The following GOLGA1 variants were observed in gnomAD, a reference collection of about 807,000 sequenced individuals.
The protein encoded by GOLGA1 is golgin A1.
GOLGA1 carries 63 observed loss-of-function variants against 119.7 expected under a neutral mutation model. The ratio of observed to expected loss-of-function variants is 0.53; its 90% CI spans 0.43 to 0.65. GOLGA1 has a LOEUF of 0.65. Among genes scored for constraint, GOLGA1 ranks in the 30% least tolerant of loss-of-function variants. GOLGA1 has a pLI of 0.00. For synonymous variants in GOLGA1, 318 were observed against 333.4 expected (o/e 0.95, Z 0.50); for missense variants, 798 against 912.8 (o/e 0.87, Z 1.62).
intron 15 of GOLGA1, among the ~76,000 whole-genome samples, chr9:124,892,952 G>C (rs1162360786): frequency 6.7e-6 from 1 of 148,924 alleles, no homozygotes; most frequent in Non-Finnish European, 1.5e-5. Flanking sequence ...AAAAAAGAAA[G>C]TGTATTTCTT....
In GOLGA1 at chr9:124,923,092, T is replaced by C; in HGVS notation, c.561+3A>G. On this transcript the variant is annotated splice_donor_region_variant and intron_variant, in intron 8 of 22. Transcript: ENST00000373555. ...ATTTAGCTACTAAAACAAAAATGCA[T>C]ACCATGTGCTTTATTTTACTTAGTT... 1 of 1,602,128 alleles carries C rather than the reference T, an allele frequency of 6.2e-7. No individual in the cohort carries two copies. The highest frequency in any genetic ancestry group is 1.7e-4 in the Middle Eastern group (1 of 6,046).
intron 10 of GOLGA1, among the ~76,000 whole-genome samples, chr9:124,912,845 C>CT (rs138609419): frequency 0.027 from 4,079 of 152,168 alleles, 206 homozygotes; most frequent in African/African-American, 0.091. Flanking sequence ...CCTGGCCAGT[C>CT]TATCTCTTTA....
In GOLGA1 at chr9:124,921,652, A is replaced by T. The variant is rs894279115; in HGVS notation, c.731+71T>A. Reference sequence around the variant, plus strand: ...GAAAGTGGTGTAATGAACAATGGGGAAAGGTGGGCAGGCTATAGCCAGAAC... The same window carrying T: ...GAAAGTGGTGTAATGAACAATGGGGTAAGGTGGGCAGGCTATAGCCAGAAC... On this transcript the variant is annotated intron_variant, in intron 9 of 22. Transcript: ENST00000373555. 1.4e-5 allele frequency: 17 copies of T among 1,179,068 alleles called. No individual in the cohort carries two copies. The Admixed American group carries it at 1.7e-4, about 12-fold the overall frequency. 73.0% of individuals were successfully genotyped at this position (1,179,068 alleles called of 1,614,324 possible).
intron 11 of GOLGA1, among the ~76,000 whole-genome samples, chr9:124,909,448 A>G (rs1458354442): frequency 1.3e-5 from 2 of 150,488 alleles, no homozygotes; most frequent in Non-Finnish European, 3.0e-5. Context: ...TCTACTAAAA[A>G]TACAAAAAAA....
chr9:124,890,254 C>T, intron 16 of GOLGA1, 135 bp downstream of exon 16: 1 of 652,772 alleles, frequency 1.5e-6, no homozygotes, highest in Non-Finnish European at 2.7e-6. Context: ...ACGCAGCTGA[C>T]TGCATTCCCT....
intron 7 of GOLGA1, among the ~76,000 whole-genome samples, chr9:124,923,839 T>C (rs905123355): frequency 2.0e-5 from 3 of 152,080 alleles, no homozygotes; most frequent in African/African-American, 7.2e-5. Context: ...ATATATTTTA[T>C]GTGTCTACTC....
intron 16 of GOLGA1, 145 bp from the exon 17 acceptor site, chr9:124,889,681 G>T: frequency 1.4e-6 from 1 of 693,436 alleles, no homozygotes. Context: ...GCTAAGCTCT[G>T]CTCCTATGAA....
rs974914734 is a variant in GOLGA1 at position 124,888,043 on chromosome 9, G to A, written c.1905+210C>T. Among the ~76,000 whole-genome samples the A allele has an allele frequency of 1.1e-4, 16 of 152,140 alleles. No individual in the cohort carries two copies. Among genetic ancestry groups the A allele is most frequent in the African/African-American group, 3.1e-4 (13 of 41,430 alleles). The stretch of plus-strand genomic sequence containing the variant: ...CCTGACACTTGTCCAGTTCTCCAGG[G>A]GGTGGGGAGAAGAGGGCTGGGGAGG... On this transcript the variant is annotated intron_variant, in intron 19 of 22. Transcript: ENST00000373555. This position sits in a 1 kb window ranked among gnomAD's most constrained non-coding sequence, Gnocchi z 4.4.
At chr9:124,894,075 G>C (rs1002232194) in intron 15 of GOLGA1, among the ~76,000 whole-genome samples, 2 of 152,154 alleles carry the variant, frequency 1.3e-5, no homozygotes, top group African/African-American at 4.8e-5. Flanking sequence ...CAAATCTAAT[G>C]GTCAGCTCTT....
At chr9:124,914,497 C>T (rs1011264547) in intron 10 of GOLGA1, among the ~76,000 whole-genome samples, 5 of 150,876 alleles carry the variant, frequency 3.3e-5, no homozygotes, top group Admixed American at 2.0e-4. Flanking sequence ...GACACTCCGT[C>T]TCAAAGAAAA....
Position 124,946,488 on chromosome 9 carries a change from T to C in GOLGA1, c.-156+1430A>G, listed in dbSNP as rs945347397. ...AAAGAATACGGTGTAAAAAGTTGCT[T>C]TGCAGTTATATTTTATCATGCAAAA... is the stretch of plus-strand genomic sequence containing the variant. On this transcript the variant is annotated intron_variant, in intron 1 of 4. Coordinates refer to the GOLGA1 transcript ENST00000421514. This position sits in a 1 kb window ranked among gnomAD's most constrained non-coding sequence, Gnocchi z 4.0. The C allele has an allele frequency of 2.6e-4, 39 of 152,306 alleles. No individual in the cohort carries two copies. The highest frequency in any genetic ancestry group is 7.9e-4 in the African/African-American group (33 of 41,564). The allele number at this position is 152,306 out of a possible 1,614,324, so 9.4% of individuals were successfully genotyped here. A position where few individuals can be genotyped will look rare whatever the true frequency, so the allele number is the denominator to read the frequency against.
chr9:124,900,284 ACTCC>A, intron 13 of GOLGA1, 164 bp downstream of exon 13: 2 of 495,430 alleles, frequency 4.0e-6, no homozygotes, highest in Non-Finnish European at 7.3e-6. Context: ...TTAGGTCCTG[ACTCC>A]CTCCACCCCC....
At chr9:124,898,510 G>T in intron 15 of GOLGA1, 39 bp downstream of exon 15, 1 of 1,161,564 alleles carries the variant, frequency 8.6e-7, no homozygotes, top group Non-Finnish European at 1.3e-6. Context: ...TAGAAAACAT[G>T]AACACTTTTA....
intron 11 of GOLGA1, among the ~76,000 whole-genome samples, chr9:124,910,219 G>A (rs1348323849): frequency 1.3e-5 from 2 of 150,366 alleles, no homozygotes; most frequent in South Asian, 2.1e-4. Context: ...GTGAGCCACC[G>A]CGCCTGGCCT....
intron 15 of GOLGA1, among the ~76,000 whole-genome samples, chr9:124,895,175 C>T (rs1829939210): frequency 6.7e-6 from 1 of 148,632 alleles, no homozygotes; most frequent in South Asian, 2.2e-4. Flanking sequence ...CCCTCCACAA[C>T]AGAGACCCTC....
intron 20 of GOLGA1, 78 bp downstream of exon 20, chr9:124,882,432 G>A (rs966271498): frequency 1.7e-5 from 18 of 1,043,422 alleles, no homozygotes; most frequent in Middle Eastern, 2.1e-4. Context: ...GTCAGGCGGC[G>A]AGGGACCTCA....
chr9:124,918,162 A>G (rs1183669860), intron 10 of GOLGA1, among the ~76,000 whole-genome samples: 1 of 152,106 alleles, frequency 6.6e-6, no homozygotes, highest in Non-Finnish European at 1.5e-5. Flanking sequence ...CTGATCTGAT[A>G]TCTTTTAATA....
chr9:124,885,482 CTCAA>C (rs1829700437), intron 19 of GOLGA1, among the ~76,000 whole-genome samples: 1 of 106,686 alleles, frequency 9.4e-6, no homozygotes, highest in Non-Finnish European at 1.9e-5. Flanking sequence ...GAGACTCTGT[CTCAA>C]AAAAAAAAAA....
chr9:124,894,214 C>A (rs2131389441), intron 15 of GOLGA1, among the ~76,000 whole-genome samples: 1 of 152,348 alleles, frequency 6.6e-6, no homozygotes, highest in South Asian at 2.1e-4. Context: ...ACCTGCGGCT[C>A]CTTTGGCGTC....
Sources: gnomAD v4.1 joint callset for allele counts (sites outside exome capture counted in the v4.1 genomes callset) on GRCh38, gnomAD v4.1.1 for gene constraint, Gnocchi (gnomAD v3.1) non-coding constraint, MANE v1.5 for transcripts, NCBI Gene and HGNC (gene_info 2026-07-23, HGNC 2026-07-21) for gene names.